The following JAK1 variants were observed in gnomAD, a reference collection of about 807,000 sequenced individuals.
JAK1 encodes the protein Janus kinase 1, also known as tyrosine-protein kinase JAK1.
A neutral mutation model predicts 136.6 loss-of-function variants in JAK1; 16 were observed. The observed-to-expected ratio is 0.12, with a 90% CI of 0.08 to 0.18. JAK1 has a LOEUF of 0.18. Among genes scored for constraint, JAK1 ranks in the 10% least tolerant of loss-of-function variants. The probability of loss-of-function intolerance (pLI) is 1.00; values close to 1 mark genes in which losing one functional copy is unlikely to be tolerated. For synonymous variants in JAK1, 492 were observed against 519.5 expected (o/e 0.95, Z 0.72); for missense variants, 859 against 1,450.1 (o/e 0.59, Z 6.62).
At chr1:64,929,309 T>G (rs755621221) in intron 1 of JAK1, among the ~76,000 whole-genome samples, 7 of 152,262 alleles carry the variant, frequency 4.6e-5, no homozygotes, top group Non-Finnish European at 7.3e-5. Context: ...TTAAACAGTG[T>G]GATTCTCCTT....
intron 1 of JAK1, among the ~76,000 whole-genome samples, chr1:65,053,710 G>A (rs1036920408): frequency 1.3e-4 from 20 of 151,910 alleles, no homozygotes; most frequent in Non-Finnish European, 2.1e-4. Flanking sequence ...AAAATTAGCC[G>A]GGCATGGTGG....
chr1:64,917,601 T>C (rs943629880), intron 1 of JAK1, among the ~76,000 whole-genome samples: 3 of 152,264 alleles, frequency 2.0e-5, no homozygotes, highest in Admixed American at 6.5e-5. Flanking sequence ...AATGCCTGGG[T>C]GAGCCTGGAC....
intron 1 of JAK1, among the ~76,000 whole-genome samples, chr1:64,890,081 T>G (rs529360841): frequency 1.3e-5 from 2 of 152,236 alleles, no homozygotes; most frequent in South Asian, 2.1e-4. Flanking sequence ...TCAGAAAAAC[T>G]GAAAGAAAAA....
At position 65,058,406 on chromosome 1, in the gene JAK1, A is replaced by T. The variant is rs538783725; in HGVS notation, c.-181+9198T>A. The T allele has an allele frequency of 1.4e-4, 74 of 534,134 alleles. 1 individual carries two copies. In the East Asian group the frequency reaches 4.0e-3, roughly 29 times the overall value. 33.1% of individuals were successfully genotyped at this position (534,134 alleles called of 1,614,324 possible). A position where few individuals can be genotyped will look rare whatever the true frequency, so the allele number is the denominator to read the frequency against. Reference sequence around the variant, plus strand: ...ACCTTCTTTCTTCCTGGGTACGGTGAGGCTCCTCTGATGGAAGGTAAGATG... The same window carrying T: ...ACCTTCTTTCTTCCTGGGTACGGTGTGGCTCCTCTGATGGAAGGTAAGATG... On this transcript the variant is annotated intron_variant, in intron 1 of 25. Coordinates refer to the JAK1 transcript ENST00000671954.
At chr1:64,978,217 G>A (rs1334983805) in intron 2 of JAK1, among the ~76,000 whole-genome samples, 1 of 152,076 alleles carries the variant, frequency 6.6e-6, no homozygotes, top group East Asian at 1.9e-4. Context: ...GGCACACGTT[G>A]CAGTGAGCCG....
Position 64,960,061 on chromosome 1 carries a change from A to G in JAK1, c.-78+6272T>C, listed in dbSNP as rs140499465. Among the ~76,000 whole-genome samples, 5 of 152,138 alleles carry G rather than the reference A, an allele frequency of 3.3e-5. No homozygotes were observed. In the East Asian group the frequency reaches 9.7e-4, roughly 29 times the overall value. Reference sequence around the variant, plus strand: ...GAATAACAGAATGAAACCTCTCTCAACAAAACAATTTAAAAATTAGCTGGG... The same window carrying G: ...GAATAACAGAATGAAACCTCTCTCAGCAAAACAATTTAAAAATTAGCTGGG... On this transcript the variant is annotated intron_variant, in intron 1 of 24. Transcript: ENST00000342505.
At chr1:64,857,517 TC>T in intron 10 of JAK1, 138 bp downstream of exon 10, 2 of 1,194,660 alleles carry the variant, frequency 1.7e-6, no homozygotes, top group Non-Finnish European at 2.4e-6. Flanking sequence ...TTGCCTGACC[TC>T]CCAGGGATCT....
In JAK1 at chr1:65,014,164, A is replaced by G. The variant is rs142225416; in HGVS notation, c.-78+30316T>C. The stretch of plus-strand genomic sequence containing the variant: ...ATATATGAAAGAGAAATTAAAATTC[A>G]TAGAAGATAGAGTGAGAAAGTCTAA... On this transcript the variant is annotated intron_variant, in intron 2 of 25. Coordinates refer to the JAK1 transcript ENST00000671954. Among the ~76,000 whole-genome samples, 413 of 152,306 alleles carry G rather than the reference A, an allele frequency of 2.7e-3. 3 individuals carry two copies. Among genetic ancestry groups the G allele is most frequent in the African/African-American group, 9.4e-3 (390 of 41,570 alleles).
chr1:64,937,383 T>C (rs1015688681), intron 1 of JAK1, among the ~76,000 whole-genome samples: 1 of 152,200 alleles, frequency 6.6e-6, no homozygotes, highest in Non-Finnish European at 1.5e-5. Flanking sequence ...ACCATAGAAA[T>C]TTCAGCCATT....
At chr1:64,851,024 G>C in intron 11 of JAK1, 114 bp from the exon 12 acceptor site, 1 of 709,294 alleles carries the variant, frequency 1.4e-6, no homozygotes, top group Non-Finnish European at 2.6e-6. Context: ...TGCTGCTTCA[G>C]TCATTCGACA....
intron 1 of JAK1, among the ~76,000 whole-genome samples, chr1:65,062,480 T>C (rs1168755000): frequency 6.6e-6 from 1 of 152,180 alleles, no homozygotes; most frequent in Non-Finnish European, 1.5e-5. Flanking sequence ...ATTCCCTTAA[T>C]GGACAGCTAA....
intron 1 of JAK1, among the ~76,000 whole-genome samples, chr1:64,951,779 C>T (rs12730896): frequency 0.59 from 89,288 of 151,088 alleles, 29,246 homozygotes; most frequent in Middle Eastern, 0.81. Flanking sequence ...CTGCCTCAGC[C>T]TCCCGAGTAG....
upstream of JAK1, among the ~76,000 whole-genome samples, chr1:64,971,304 A>G (rs1646449682): frequency 1.3e-5 from 2 of 152,242 alleles, no homozygotes; most frequent in African/African-American, 4.8e-5. Context: ...ATTGTAATTC[A>G]TAAGTGTATT....
chr1:65,033,038 C>A (rs1647037205), intron 2 of JAK1, among the ~76,000 whole-genome samples: 1 of 152,160 alleles, frequency 6.6e-6, no homozygotes, highest in Non-Finnish European at 1.5e-5. Context: ...GGAAACCTAC[C>A]CTTTACCCTT....
At chr1:65,041,443 G>A (rs1647131698) in intron 2 of JAK1, among the ~76,000 whole-genome samples, 1 of 152,142 alleles carries the variant, frequency 6.6e-6, no homozygotes, top group African/African-American at 2.4e-5. Flanking sequence ...GATGTTTTCT[G>A]TTTTAGATAC....
chr1:65,009,094 A>T (rs182952313), intron 2 of JAK1, among the ~76,000 whole-genome samples: 66 of 152,372 alleles, frequency 4.3e-4, no homozygotes, highest in African/African-American at 1.5e-3. Flanking sequence ...AATGTTAGAA[A>T]CAACCGGAAT....
intron 1 of JAK1, among the ~76,000 whole-genome samples, chr1:64,940,661 G>A (rs1645873623): frequency 6.6e-6 from 1 of 152,042 alleles, no homozygotes; most frequent in South Asian, 2.1e-4. Context: ...GTTAAGACGG[G>A]TTTACTGTTC....
In JAK1 at chr1:64,997,743, G is replaced by T. The variant is rs373247134; in HGVS notation, c.-78+46737C>A. 2.0e-4 allele frequency among the ~76,000 whole-genome samples: 30 copies of T among 152,188 alleles called. 5 individuals are homozygous for T. The highest frequency in any genetic ancestry group is 3.3e-4 in the Admixed American group (5 of 15,286). On this transcript the variant is annotated intron_variant, in intron 2 of 25. Transcript: ENST00000671954. ...CTGTCGGGGACTGTTGTGGGGAGGAGTCTCTTCTCCAGAACATACAGAGTC... is the reference window on the plus strand; with the variant it reads ...CTGTCGGGGACTGTTGTGGGGAGGATTCTCTTCTCCAGAACATACAGAGTC...
Position 64,869,295 on chromosome 1 carries a change from C to T in JAK1, c.647+16G>A. 3 of 1,609,604 alleles carry T rather than the reference C, an allele frequency of 1.9e-6. No homozygotes were observed. The highest frequency in any genetic ancestry group is 2.5e-6 in the Non-Finnish European group (3 of 1,176,772). On this transcript the variant is annotated intron_variant, in intron 6 of 24. Transcript: ENST00000342505. ...CCATCCTCACAATCAATTCTTCAGCCAGTGGGAAGCTTTACCTGATGTCCT... is the reference window on the plus strand; with the variant it reads ...CCATCCTCACAATCAATTCTTCAGCTAGTGGGAAGCTTTACCTGATGTCCT...
Sources: allele counts gnomAD v4.1 joint callset (sites outside exome capture counted in the v4.1 genomes callset), GRCh38; gene constraint gnomAD v4.1.1; transcripts MANE v1.5; gene names NCBI Gene and HGNC (gene_info 2026-07-23, HGNC 2026-07-21).